Variants in PGBD5 observed in about 807,000 individuals in gnomAD.
The protein encoded by PGBD5 is piggyBac transposable element derived 5.
PGBD5 carries 14 observed loss-of-function variants against 47.9 expected under a neutral mutation model. The observed-to-expected ratio is 0.29, with a 90% CI of 0.19 to 0.46. The LOEUF is 0.46. PGBD5 is among the 20% of genes least tolerant of loss of function. PGBD5 has a pLI of 1.00. For missense variants in PGBD5, 635 were observed against 716.0 expected (o/e 0.89, Z 1.29); for synonymous variants, 316 against 306.3 (o/e 1.03, Z -0.33).
chr1:230,377,606 T>G (rs1361580848), intron 1 of PGBD5: 2 of 1,559,148 alleles, frequency 1.3e-6, no homozygotes, highest in Admixed American at 3.8e-5. Flanking sequence ...AGAGCTCGAG[T>G]TCTGTAGTCA....
At chr1:230,420,542 C>T (rs1218929336) in intron 1 of PGBD5, among the ~76,000 whole-genome samples, 2 of 152,096 alleles carry the variant, frequency 1.3e-5, no homozygotes, top group African/African-American at 2.4e-5. Flanking sequence ...GGGGCAGTTC[C>T]CCCCATGCTG....
chr1:230,413,948 G>GC (rs1232686148), intron 1 of PGBD5, among the ~76,000 whole-genome samples: 2 of 152,150 alleles, frequency 1.3e-5, no homozygotes, highest in African/African-American at 4.8e-5. Flanking sequence ...AAGATATGAA[G>GC]CCTACACTCA....
In PGBD5 at chr1:230,425,567, C is replaced by A; in HGVS notation, c.331+31G>T. 1 of 1,217,538 alleles carries A rather than the reference C, an allele frequency of 8.2e-7. No homozygotes were observed. Among genetic ancestry groups the A allele is most frequent in the Non-Finnish European group, 1.0e-6 (1 of 978,686 alleles). The allele number at this position is 1,217,538 out of a possible 1,614,324, so 75.4% of individuals were successfully genotyped here. On this transcript the variant is annotated intron_variant, in intron 1 of 6. Transcript: ENST00000391860. The surrounding 1 kb of genome is among the most constrained non-coding windows in gnomAD (Gnocchi z 4.7). ...CCCCCGCGCCCGGTTCCAGCGCCGC[C>A]CCCGACATCCACCCGCGGGCAGCCC...
intron 1 of PGBD5, among the ~76,000 whole-genome samples, chr1:230,392,539 C>A (rs1656814988): frequency 1.3e-5 from 2 of 152,176 alleles, no homozygotes; most frequent in South Asian, 4.1e-4. Flanking sequence ...TCGCAGGAGC[C>A]CTGGGAGGGC....
chr1:230,380,340 G>A (rs1183266279), intron 1 of PGBD5, among the ~76,000 whole-genome samples: 1 of 152,142 alleles, frequency 6.6e-6, no homozygotes, highest in Non-Finnish European at 1.5e-5. Flanking sequence ...TAATTCAGAT[G>A]CCAGACCAGT....
chr1:230,380,641 T>C (rs2102725403), intron 1 of PGBD5, among the ~76,000 whole-genome samples: 1 of 152,330 alleles, frequency 6.6e-6, no homozygotes, highest in African/African-American at 2.4e-5. Flanking sequence ...GCCCAGGTTA[T>C]GGCTTTAGGG....
chr1:230,335,640 A>T (rs371866659), intron 4 of PGBD5, among the ~76,000 whole-genome samples: 14 of 3,218 alleles, frequency 4.4e-3, no homozygotes, highest in East Asian at 0.019. Context: ...CACAGACACA[A>T]ACACAGACGC....
chr1:230,387,446 G>C (rs1230134737), intron 1 of PGBD5, among the ~76,000 whole-genome samples: 2 of 152,240 alleles, frequency 1.3e-5, no homozygotes, highest in Non-Finnish European at 2.9e-5. Flanking sequence ...CAGGCTTGGG[G>C]AAGCGCCTGT....
Position 230,323,209 on chromosome 1 carries a change from T to C in PGBD5, c.*216A>G. On this transcript the variant is annotated 3_prime_UTR_variant, in exon 7 of 7. Transcript: ENST00000391860. This position sits in a 1 kb window ranked among gnomAD's most constrained non-coding sequence, Gnocchi z 4.1. ...TAAGTGCTCATCACACCGGCGGCAC[T>C]GTTTCTCGAGGGAGGACATGCTCTT... The C allele has an allele frequency of 3.5e-6, 2 of 571,736 alleles. No homozygotes were observed. Among genetic ancestry groups the C allele is most frequent in the Non-Finnish European group, 6.1e-6 (2 of 326,572 alleles). 35.4% of individuals were successfully genotyped at this position (571,736 alleles called of 1,614,324 possible). A position where few individuals can be genotyped will look rare whatever the true frequency, so the allele number is the denominator to read the frequency against.
Position 230,323,655 on chromosome 1 carries a change from T to C in PGBD5, c.1380-35A>G, listed in dbSNP as rs761764614. 7 of 1,586,572 alleles carry C rather than the reference T, an allele frequency of 4.4e-6. No individual in the cohort carries two copies. In the Admixed American group the frequency reaches 5.1e-5, roughly 12 times the overall value. On this transcript the variant is annotated intron_variant, in intron 6 of 6. Coordinates refer to ENST00000391860, the MANE Select transcript of PGBD5 (RefSeq NM_001258311.2). The surrounding 1 kb of genome is among the most constrained non-coding windows in gnomAD (Gnocchi z 4.1). Reference sequence around the variant, plus strand: ...GAGGGAATAAGAACGGCTGACCCGATGGTTCATGGCACCCGGAGATGCATC... The same window carrying C: ...GAGGGAATAAGAACGGCTGACCCGACGGTTCATGGCACCCGGAGATGCATC...
At chr1:230,361,426 C>A (rs1366786890) in intron 1 of PGBD5, among the ~76,000 whole-genome samples, 1 of 152,106 alleles carries the variant, frequency 6.6e-6, no homozygotes, top group Admixed American at 6.5e-5. Flanking sequence ...CATTGCCAGA[C>A]AAAACTCATA....
At chr1:230,332,085 C>T (rs1041569584) in intron 5 of PGBD5, among the ~76,000 whole-genome samples, 17 of 5,700 alleles carry the variant, frequency 3.0e-3, no homozygotes, top group East Asian at 0.045. Context: ...ACCACACACA[C>T]GTACATGTGA....
At position 230,318,603 on chromosome 1, in the gene PGBD5, C is replaced by G. The variant is rs956122131; in HGVS notation, c.*4822G>C. ...TACACAAGGCTAAGGCTTTCCACAG[C>G]CAAAGCTTGGCAAGCCCTCGCTTAA... On this transcript the variant is annotated 3_prime_UTR_variant, in exon 7 of 7. Transcript: ENST00000391860. 5.3e-5 allele frequency: 8 copies of G among 152,232 alleles called. No individual in the cohort carries two copies. The highest frequency in any genetic ancestry group is 5.2e-4 in the Admixed American group (8 of 15,290). The allele number at this position is 152,232 out of a possible 1,614,324, so 9.4% of individuals were successfully genotyped here.
chr1:230,360,699 G>GT (rs1282861799), intron 1 of PGBD5, among the ~76,000 whole-genome samples: 1 of 152,166 alleles, frequency 6.6e-6, no homozygotes, highest in Non-Finnish European at 1.5e-5. Flanking sequence ...CATGCGAACT[G>GT]TGAGTTAATG....
At chr1:230,412,346 A>T (rs1246866322) in intron 1 of PGBD5, among the ~76,000 whole-genome samples, 1 of 151,356 alleles carries the variant, frequency 6.6e-6, no homozygotes, top group East Asian at 1.9e-4. Context: ...CAGAAAAAAC[A>T]TATTTTCTAT....
chr1:230,327,347 C>G (rs1200089134), intron 5 of PGBD5, among the ~76,000 whole-genome samples: 1 of 152,204 alleles, frequency 6.6e-6, no homozygotes, highest in Admixed American at 6.5e-5. Flanking sequence ...CCCCCTCCCA[C>G]CCCCACAACT....
Position 230,323,710 on chromosome 1 carries a change from A to C in PGBD5, c.1380-90T>G. On this transcript the variant is annotated intron_variant, in intron 6 of 6. Coordinates refer to ENST00000391860, the MANE Select transcript of PGBD5 (RefSeq NM_001258311.2). The surrounding 1 kb of genome is among the most constrained non-coding windows in gnomAD (Gnocchi z 4.1). ...AGGCCCCCCCTCACCACAGCCCGTG[A>C]GACGCTGCAGGTTCGCCCCCGACAG... 1 of 1,326,866 alleles carries C rather than the reference A, an allele frequency of 7.5e-7. No individual in the cohort carries two copies. The highest frequency in any genetic ancestry group is 1.0e-6 in the Non-Finnish European group (1 of 956,666). The allele number at this position is 1,326,866 out of a possible 1,614,324, so 82.2% of individuals were successfully genotyped here. A position where few individuals can be genotyped will look rare whatever the true frequency, so the allele number is the denominator to read the frequency against.
At chr1:230,351,126 A>G (rs754912456) in intron 2 of PGBD5, 34 bp from the exon 3 acceptor site, 2 of 1,598,288 alleles carry the variant, frequency 1.3e-6, no homozygotes, top group South Asian at 2.3e-5. Flanking sequence ...GCTCTCACGG[A>G]AGGCAGCATG....
At chr1:230,392,848 C>G (rs539017436) in intron 1 of PGBD5, among the ~76,000 whole-genome samples, 2 of 152,170 alleles carry the variant, frequency 1.3e-5, no homozygotes, top group South Asian at 4.2e-4. Flanking sequence ...GCAGGCCTGG[C>G]TGACAGCACA....
Sources: allele counts gnomAD v4.1 joint callset (sites outside exome capture counted in the v4.1 genomes callset), GRCh38; gene constraint gnomAD v4.1.1; non-coding constraint Gnocchi (gnomAD v3.1); transcripts MANE v1.5; gene names NCBI Gene and HGNC (gene_info 2026-07-23, HGNC 2026-07-21).